LRIG3: variants seen among roughly 807,000 people sequenced by gnomAD.
The protein encoded by LRIG3 is leucine-rich repeats and immunoglobulin-like domains protein 3.
LRIG3 carries 76 observed loss-of-function variants against 114.5 expected under a neutral mutation model. The observed-to-expected ratio is 0.66, with a 90% CI of 0.55 to 0.80. The LOEUF (loss-of-function observed/expected upper bound fraction) is 0.80, where lower values mean the gene tolerates loss of function less well. LRIG3 is among the 30% of genes least tolerant of loss of function. LRIG3 has a pLI of 0.00. For missense variants in LRIG3, 1,239 were observed against 1,382.8 expected (o/e 0.90, Z 1.65); for synonymous variants, 512 against 519.8 (o/e 0.98, Z 0.20).
chr12:58,891,263 G>A (rs1291933094), intron 3 of LRIG3, among the ~76,000 whole-genome samples: 1 of 151,998 alleles, frequency 6.6e-6, no homozygotes, highest in East Asian at 1.9e-4. Context: ...ACAGGTAAGT[G>A]CCACCTCATC....
intron 4 of LRIG3, among the ~76,000 whole-genome samples, chr12:58,890,424 A>T (rs904228953): frequency 6.6e-6 from 1 of 152,090 alleles, no homozygotes; most frequent in Non-Finnish European, 1.5e-5. Flanking sequence ...TTGTTTTTTT[A>T]AAAATGAGCA....
rs1871359930 is a variant in LRIG3 at position 58,888,839 on chromosome 12, C to T, written c.783G>A (p.Gly261=). ...VTKLMDGAFW[G]LSNMEILQLD... ...CTTACAAAATTTCCATGTTGCTCAG[C>T]CCCCAAAAAGCTCCATCCATAAGTT... The change falls in exon 6 of 19, where the codon GGG becomes GGA. Residue 261 remains glycine (G), a synonymous_variant. Transcript: ENST00000320743. 6.2e-7 allele frequency: 1 copy of T among 1,613,664 alleles called. No homozygotes were observed. The highest frequency in any genetic ancestry group is 1.3e-5 in the African/African-American group (1 of 75,012).
intron 3 of LRIG3, among the ~76,000 whole-genome samples, chr12:58,891,142 G>T (rs1871443780): frequency 1.3e-5 from 2 of 151,572 alleles, no homozygotes; most frequent in Admixed American, 1.3e-4. Context: ...TAGAGACAGG[G>T]TCTCACTCTG....
At chr12:58,914,946 C>T (rs778887867) in intron 1 of LRIG3, among the ~76,000 whole-genome samples, 8 of 152,178 alleles carry the variant, frequency 5.3e-5, no homozygotes, top group Admixed American at 2.6e-4. Context: ...TAAACCACAT[C>T]GCCATCTAAC....
chr12:58,913,087 G>A (rs1018934400), intron 3 of LRIG3, among the ~76,000 whole-genome samples: 3 of 152,262 alleles, frequency 2.0e-5, no homozygotes, highest in East Asian at 3.9e-4. Flanking sequence ...AAGCAATTGG[G>A]TAGTGATCAC....
intron 10 of LRIG3, 133 bp from the exon 11 acceptor site, chr12:58,883,724 G>C (rs1021409786): frequency 8.2e-6 from 4 of 488,588 alleles, no homozygotes; most frequent in African/African-American, 7.7e-5. Context: ...ACATGACTGG[G>C]GCAGCCCCAG....
chr12:58,892,889 A>T (rs1487452854), intron 3 of LRIG3, among the ~76,000 whole-genome samples: 2 of 152,230 alleles, frequency 1.3e-5, no homozygotes, highest in East Asian at 3.8e-4. Context: ...AGAGTATGAA[A>T]GATATTCTGG....
rs539743549 is a variant in LRIG3, at chr12:58,920,400, C to T, written c.-165G>A. ...CTTCTTTTACTCCCGGCGGCGAAGC[C>T]CTTTCATGCCCCCAAACAGCAGGAG... is the stretch of plus-strand genomic sequence containing the variant. On this transcript the variant is annotated 5_prime_UTR_variant, in exon 1 of 19. Coordinates refer to ENST00000320743, the MANE Select transcript of LRIG3 (RefSeq NM_153377.5). The T allele has an allele frequency of 8.6e-6, 4 of 463,092 alleles. No homozygotes were observed. In the East Asian group the frequency reaches 1.1e-4, roughly 13 times the overall value. The allele number at this position is 463,092 out of a possible 1,614,324, so 28.7% of individuals were successfully genotyped here.
intron 1 of LRIG3, 24 bp from the exon 2 acceptor site, chr12:58,914,360 T>A (rs1458726363): frequency 2.5e-6 from 4 of 1,571,526 alleles, no homozygotes; most frequent in Non-Finnish European, 3.5e-6. Context: ...AAAATAAAAT[T>A]ATAAGTCATT....
intron 8 of LRIG3, 41 bp from the exon 9 acceptor site, chr12:58,886,931 A>C: frequency 6.5e-7 from 1 of 1,536,554 alleles, no homozygotes; most frequent in Non-Finnish European, 9.0e-7. Flanking sequence ...TGATAAGCTC[A>C]GAAAGCCTAG....
At position 58,914,329 on chromosome 12, in the gene LRIG3, T is replaced by C; in HGVS notation, c.244A>G (p.Ser82Gly). ...LPSWVARLDL[S>G]HNRLSFIKAS... The stretch of plus-strand genomic sequence containing the variant: ...TTGATGAAAGATAATCTGTTGTGAC[T>C]TAAGTCCCTATAAGAAAACAAAAAT... The change falls in exon 2 of 19, where the codon AGT (serine) becomes GGT (glycine). Residue 82 changes from serine to glycine, a missense_variant. Transcript: ENST00000320743. 6.2e-7 allele frequency: 1 copy of C among 1,613,070 alleles called. No individual in the cohort carries two copies. Among genetic ancestry groups the C allele is most frequent in the East Asian group, 2.2e-5 (1 of 44,862 alleles).
At chr12:58,913,765 A>G in intron 3 of LRIG3, 1 of 488,338 alleles carries the variant, frequency 2.0e-6, no homozygotes. Context: ...CAACAACAGC[A>G]AAGTGTAAAG....
chr12:58,883,638 T>C, intron 10 of LRIG3, 47 bp from the exon 11 acceptor site: 3 of 1,439,566 alleles, frequency 2.1e-6, no homozygotes, highest in Non-Finnish European at 2.8e-6. Flanking sequence ...TACCATCATT[T>C]CGTGCTTTTG....
At chr12:58,901,605 C>G in intron 3 of LRIG3, among the ~76,000 whole-genome samples, 1 of 152,102 alleles carries the variant, frequency 6.6e-6, no homozygotes, top group East Asian at 1.9e-4. Flanking sequence ...CAGAAAGTGC[C>G]ATTGGACAGC....
chr12:58,872,934 G>T, intron 18 of LRIG3, 118 bp from the exon 19 acceptor site: 1 of 1,374,202 alleles, frequency 7.3e-7, no homozygotes, highest in Non-Finnish European at 9.8e-7. Context: ...TTTTCTACAA[G>T]TCCACATTAT....
chr12:58,877,153 C>T (rs1418502039), intron 15 of LRIG3, among the ~76,000 whole-genome samples: 1 of 152,184 alleles, frequency 6.6e-6, no homozygotes, highest in Admixed American at 6.5e-5. Context: ...ATATTTTAGT[C>T]AGTGACTTGG....
At chr12:58,914,236 A>T in intron 2 of LRIG3, 29 bp downstream of exon 2, 1 of 1,607,714 alleles carries the variant, frequency 6.2e-7, no homozygotes, top group Non-Finnish European at 8.5e-7. Context: ...TTTTACTCAA[A>T]CCTTAAAAAC....
intron 1 of LRIG3, chr12:58,919,488 G>T: frequency 6.4e-7 from 1 of 1,551,606 alleles, no homozygotes. Flanking sequence ...ACCATAACTT[G>T]GAGAATGACC....
intron 16 of LRIG3, among the ~76,000 whole-genome samples, chr12:58,875,320 AC>A (rs374763049): frequency 1.9e-3 from 295 of 152,236 alleles, no homozygotes; most frequent in African/African-American, 6.9e-3. Context: ...CTGCCTCTAA[AC>A]GGGTCTAACC....
Sources: allele counts gnomAD v4.1 joint callset (sites outside exome capture counted in the v4.1 genomes callset), GRCh38; gene constraint gnomAD v4.1.1; transcripts MANE v1.5; gene names NCBI Gene and HGNC (gene_info 2026-07-23, HGNC 2026-07-21).